The following ZFP1 variants were observed in gnomAD, a reference collection of about 807,000 sequenced individuals.
ZFP1 encodes the protein ZFP1 zinc finger protein, also known as zinc finger protein 1 homolog.
Under a neutral mutation model 38.5 loss-of-function variants are expected in ZFP1, and 32 were observed. The ratio of observed to expected loss-of-function variants is 0.83; its 90% CI spans 0.63 to 1.12. The LOEUF (loss-of-function observed/expected upper bound fraction) is 1.12, where lower values mean the gene tolerates loss of function less well. ZFP1 is among the 50% of genes most tolerant of loss of function. The probability of loss-of-function intolerance (pLI) is 0.00; values close to 1 mark genes in which losing one functional copy is unlikely to be tolerated. For synonymous variants in ZFP1, 245 were observed against 168.8 expected, an observed-to-expected ratio of 1.45 and a Z score of -3.50; for missense variants, 616 against 480.8, an observed-to-expected ratio of 1.28 and a Z score of -2.63.
the ZFP1 span, among the ~76,000 whole-genome samples, chr16:75,131,290 G>C: frequency 1.2e-4 from 18 of 152,278 alleles, no homozygotes; most frequent in East Asian, 3.9e-4. Context: ...AGCCAGGGAG[G>C]CTTCCCGGAA....
the ZFP1 span, among the ~76,000 whole-genome samples, chr16:75,130,327 G>A: frequency 4.9e-3 from 753 of 152,176 alleles, 6 homozygotes; most frequent in African/African-American, 0.017. Context: ...ATGGTGGCAC[G>A]CTTCTGGGGG....
chr16:75,138,328 C>G, the ZFP1 span, among the ~76,000 whole-genome samples: 1 of 152,164 alleles, frequency 6.6e-6, no homozygotes, highest in Non-Finnish European at 1.5e-5. Context: ...AGCCACCGCG[C>G]ACAGCCAACT....
the ZFP1 span, among the ~76,000 whole-genome samples, chr16:75,131,587 C>T: frequency 6.6e-6 from 1 of 152,166 alleles, no homozygotes; most frequent in Non-Finnish European, 1.5e-5. Context: ...CCCTCTCATC[C>T]TAGCTGGGTC....
At chr16:75,151,216 C>T (rs1256983411) in intron 1 of ZFP1, among the ~76,000 whole-genome samples, 1 of 151,432 alleles carries the variant, frequency 6.6e-6, no homozygotes, top group East Asian at 1.9e-4. Flanking sequence ...TACAACTGAT[C>T]ATCCTTTTAC....
At chr16:75,147,715 G>T (rs777110068), upstream of ZFP1, among the ~76,000 whole-genome samples, 1 of 152,122 alleles carries the variant, frequency 6.6e-6, no homozygotes, top group Non-Finnish European at 1.5e-5. Context: ...TGTATTTTCT[G>T]CTCAAATTTT....
At chr16:75,165,647 A>G (rs930261167) in intron 2 of ZFP1, among the ~76,000 whole-genome samples, 2 of 151,912 alleles carry the variant, frequency 1.3e-5, no homozygotes, top group African/African-American at 2.4e-5. Context: ...TCGGCTTCCT[A>G]AAGTGCTGGG....
At chr16:75,138,992 C>G in the ZFP1 span, among the ~76,000 whole-genome samples, 3 of 152,134 alleles carry the variant, frequency 2.0e-5, no homozygotes, top group African/African-American at 7.2e-5. Context: ...AAACCCACAA[C>G]TCCATTCTAA....
the ZFP1 span, among the ~76,000 whole-genome samples, chr16:75,129,185 C>A: frequency 1.3e-5 from 2 of 152,124 alleles, no homozygotes; most frequent in East Asian, 3.8e-4. Context: ...TGTTGTTCTC[C>A]TTTCCTCCCC....
chr16:75,141,283 A>C, the ZFP1 span, among the ~76,000 whole-genome samples: 1 of 141,666 alleles, frequency 7.1e-6, no homozygotes, highest in Admixed American at 7.5e-5. Flanking sequence ...GCTCACTGCA[A>C]GCTCCGCCTC....
chr16:75,140,084 C>A, the ZFP1 span, among the ~76,000 whole-genome samples: 2 of 152,078 alleles, frequency 1.3e-5, no homozygotes, highest in African/African-American at 2.4e-5. Context: ...GCCTGACCAA[C>A]GTGGAGAAAC....
At chr16:75,131,280 A>G in the ZFP1 span, among the ~76,000 whole-genome samples, 1 of 152,140 alleles carries the variant, frequency 6.6e-6, no homozygotes, top group African/African-American at 2.4e-5. Flanking sequence ...CAGTGGGGCA[A>G]GCCAGGGAGG....
rs764551 is a variant in ZFP1 at position 75,170,384 on chromosome 16, C to A, written c.*50C>A. The stretch of plus-strand genomic sequence containing the variant: ...AAAACTCCTGCCAGAACTCTTCAAG[C>A]GGGTGAAAAACCTCATGACAGTATT... On this transcript the variant is annotated 3_prime_UTR_variant, in exon 4 of 4. Coordinates refer to ENST00000570010, the MANE Select transcript of ZFP1 (RefSeq NM_153688.4). 0.13 allele frequency: 191,769 copies of A among 1,507,764 alleles called. 20,063 individuals are homozygous for A. Among genetic ancestry groups the A allele is most frequent in the East Asian group, 0.65 (28,393 of 43,966 alleles). The allele number at this position is 1,507,764 out of a possible 1,614,324, so 93.4% of individuals were successfully genotyped here.
intron 1 of ZFP1, chr16:75,148,995 CGGGGCGTGGTG>C (rs957108606): frequency 6.6e-6 from 1 of 151,364 alleles, no homozygotes; most frequent in African/African-American, 2.4e-5. Context: ...GAGGCCCCGC[CGGGGCGTGGTG>C]GGGGCGTGGC....
the ZFP1 span, among the ~76,000 whole-genome samples, chr16:75,129,565 A>G: frequency 6.6e-6 from 1 of 152,160 alleles, no homozygotes; most frequent in Middle Eastern, 3.2e-3. Flanking sequence ...GAATGCAACC[A>G]TTGGTCTCTT....
At chr16:75,154,885 C>T (rs1452318088) in intron 2 of ZFP1, among the ~76,000 whole-genome samples, 1 of 152,146 alleles carries the variant, frequency 6.6e-6, no homozygotes, top group East Asian at 1.9e-4. Flanking sequence ...GCAACCTCCC[C>T]TTCCCAGGTT....
intron 2 of ZFP1, among the ~76,000 whole-genome samples, chr16:75,162,163 C>G (rs1338644835): frequency 6.6e-6 from 1 of 151,898 alleles, no homozygotes; most frequent in East Asian, 1.9e-4. Context: ...CACTTTGTCA[C>G]CCAGGCTGGA....
the ZFP1 span, among the ~76,000 whole-genome samples, chr16:75,125,654 T>G: frequency 0.064 from 9,806 of 152,218 alleles, 390 homozygotes; most frequent in Admixed American, 0.12. Flanking sequence ...AGATGAAAAT[T>G]TTATAAATTG....
intron 3 of ZFP1, among the ~76,000 whole-genome samples, chr16:75,168,737 G>C (rs1001294168): frequency 1.2e-4 from 18 of 152,158 alleles, no homozygotes; most frequent in Non-Finnish European, 7.4e-5. Flanking sequence ...TGGTAAAGAT[G>C]AACAGTAGAA....
At chr16:75,126,369 C>T in the ZFP1 span, 1 of 151,738 alleles carries the variant, frequency 6.6e-6, no homozygotes, top group East Asian at 1.9e-4. Flanking sequence ...AGGATGACCT[C>T]AATCTCTTGA....
Sources: allele counts gnomAD v4.1 joint callset (sites outside exome capture counted in the v4.1 genomes callset), GRCh38; gene constraint gnomAD v4.1.1; transcripts MANE v1.5; gene names NCBI Gene and HGNC (gene_info 2026-07-23, HGNC 2026-07-21).